Variants in LRRC37A2 observed in about 807,000 individuals in gnomAD.
LRRC37A2 encodes leucine rich repeat containing 37 member A2.
Under a neutral mutation model 68.8 loss-of-function variants are expected in LRRC37A2, and 9 were observed. The observed-to-expected ratio is 0.13, with a 90% CI of 0.08 to 0.23. The LOEUF (loss-of-function observed/expected upper bound fraction) is 0.23, where lower values mean the gene tolerates loss of function less well. Among genes scored for constraint, LRRC37A2 ranks in the 10% least tolerant of loss-of-function variants. LRRC37A2 has a pLI of 1.00. For synonymous variants in LRRC37A2, 63 were observed against 367.6 expected (o/e 0.17, Z 9.48); for missense variants, 168 against 950.4 (o/e 0.18, Z 10.82).
At chr17:46,983,323 G>A in the LRRC37A2 span, among the ~76,000 whole-genome samples, 1 of 115,282 alleles carries the variant, frequency 8.7e-6, no homozygotes, top group Non-Finnish European at 1.7e-5. Context: ...TTGAGACGGA[G>A]TCTCGCTATG....
At chr17:46,882,280 T>C in the LRRC37A2 span, among the ~76,000 whole-genome samples, 3 of 152,358 alleles carry the variant, frequency 2.0e-5, no homozygotes, top group South Asian at 6.2e-4. Flanking sequence ...AGTCCCCCTC[T>C]TTCTTTGCTT....
At chr17:46,534,529 A>G (rs2054281845) in intron 6 of LRRC37A2, among the ~76,000 whole-genome samples, 2 of 148,174 alleles carry the variant, frequency 1.3e-5, no homozygotes, top group East Asian at 2.0e-4. Flanking sequence ...GTCATAGATC[A>G]ACAGCATCCC....
the LRRC37A2 span, among the ~76,000 whole-genome samples, chr17:46,792,505 G>T: frequency 1.9e-4 from 29 of 152,100 alleles, no homozygotes; most frequent in Non-Finnish European, 3.2e-4. Context: ...ACAGAGTCTT[G>T]CTCTGTCACC....
At chr17:46,911,616 C>G in the LRRC37A2 span, 1 of 152,290 alleles carries the variant, frequency 6.6e-6, no homozygotes, top group Non-Finnish European at 1.5e-5. Flanking sequence ...GGCACTGTGG[C>G]TCACGCCTGT....
the LRRC37A2 span, among the ~76,000 whole-genome samples, chr17:46,708,820 ATATT>A: frequency 2.6e-4 from 26 of 98,540 alleles, no homozygotes; most frequent in Non-Finnish European, 4.2e-4. Flanking sequence ...ATATATATAT[ATATT>A]TTTTTTTTTT....
At chr17:46,893,299 C>A in the LRRC37A2 span, among the ~76,000 whole-genome samples, 1 of 152,158 alleles carries the variant, frequency 6.6e-6, no homozygotes, top group African/African-American at 2.4e-5. Flanking sequence ...TATTTCATAG[C>A]AATCCAGCAA....
the LRRC37A2 span, among the ~76,000 whole-genome samples, chr17:46,638,749 C>T: frequency 7.8e-6 from 1 of 127,698 alleles, no homozygotes; most frequent in Admixed American, 8.7e-5. Context: ...CTCAAGTGAT[C>T]CTCCCACCTC....
chr17:47,016,156 G>C, the LRRC37A2 span, among the ~76,000 whole-genome samples: 2 of 151,978 alleles, frequency 1.3e-5, no homozygotes, highest in African/African-American at 4.8e-5. Flanking sequence ...TGTTGGTCAG[G>C]CTGGTCTCGA....
intron 4 of LRRC37A2, among the ~76,000 whole-genome samples, chr17:46,522,436 C>CTTGT (rs200442940): frequency 0.17 from 18,011 of 107,822 alleles, 6 homozygotes; most frequent in East Asian, 0.29. Flanking sequence ...AAATGTGAGA[C>CTTGT]TTGTTTGTTT....
At chr17:46,499,628 GTAATA>G in the LRRC37A2 span, among the ~76,000 whole-genome samples, 1 of 113,936 alleles carries the variant, frequency 8.8e-6, no homozygotes. Context: ...GTAATTGCCT[GTAATA>G]TAATTGTGCT....
chr17:47,038,431 C>A, the LRRC37A2 span, among the ~76,000 whole-genome samples: 1 of 151,916 alleles, frequency 6.6e-6, no homozygotes, highest in Non-Finnish European at 1.5e-5. Flanking sequence ...GCCTGGGCAA[C>A]ATAGTGAGAC....
At chr17:46,598,847 A>G in the LRRC37A2 span, among the ~76,000 whole-genome samples, 1 of 148,554 alleles carries the variant, frequency 6.7e-6, no homozygotes, top group Non-Finnish European at 1.5e-5. Context: ...AACAAATACT[A>G]TAAAGTGTTT....
chr17:46,575,053 G>A, the LRRC37A2 span, among the ~76,000 whole-genome samples: 9 of 81,446 alleles, frequency 1.1e-4, no homozygotes, highest in Admixed American at 2.4e-4. Flanking sequence ...CCGAGATCGC[G>A]CCACTGTACT....
the LRRC37A2 span, among the ~76,000 whole-genome samples, chr17:46,873,575 T>C: frequency 6.6e-6 from 1 of 152,190 alleles, no homozygotes; most frequent in African/African-American, 2.4e-5. Flanking sequence ...ATGGAACTTC[T>C]AGCCTGGGCG....
chr17:46,490,049 T>C, the LRRC37A2 span, among the ~76,000 whole-genome samples: 1 of 150,846 alleles, frequency 6.6e-6, no homozygotes, highest in Non-Finnish European at 1.5e-5. Flanking sequence ...GTTTGGACCA[T>C]AGAGAAGTCA....
At chr17:46,745,489 C>G in the LRRC37A2 span, among the ~76,000 whole-genome samples, 2 of 152,186 alleles carry the variant, frequency 1.3e-5, no homozygotes, top group Admixed American at 1.3e-4. Flanking sequence ...AATCTTTCAA[C>G]ACTTTGAAGA....
chr17:46,956,465 T>C, the LRRC37A2 span, among the ~76,000 whole-genome samples: 4 of 151,972 alleles, frequency 2.6e-5, no homozygotes, highest in Non-Finnish European at 5.9e-5. Flanking sequence ...TAAATTTTTT[T>C]GTATTTTCTT....
At chr17:47,009,349 C>T in the LRRC37A2 span, among the ~76,000 whole-genome samples, 1 of 152,218 alleles carries the variant, frequency 6.6e-6, no homozygotes, top group Non-Finnish European at 1.5e-5. Context: ...CATCTGTCCT[C>T]TTGCCCTGAG....
chr17:47,037,522 G>T, the LRRC37A2 span, among the ~76,000 whole-genome samples: 1 of 152,282 alleles, frequency 6.6e-6, no homozygotes, highest in East Asian at 1.9e-4. Flanking sequence ...GTTGAATTTG[G>T]TTTGCCAGAT....
Sources: gnomAD v4.1 joint callset for allele counts (sites outside exome capture counted in the v4.1 genomes callset) on GRCh38, gnomAD v4.1.1 for gene constraint, MANE v1.5 for transcripts, NCBI Gene and HGNC (gene_info 2026-07-23, HGNC 2026-07-21) for gene names.